The following UVRAG variants were observed in gnomAD, a reference collection of about 807,000 sequenced individuals.
UVRAG encodes UV radiation resistance associated.
Under a neutral mutation model 78.0 loss-of-function variants are expected in UVRAG, and 19 were observed. That is an observed-to-expected ratio of 0.24 (90% CI 0.17 to 0.36). The LOEUF is 0.36. Ranked by LOEUF, UVRAG falls within the 10% of genes least tolerant of loss-of-function variation. The probability of loss-of-function intolerance (pLI) is 1.00; values close to 1 mark genes in which losing one functional copy is unlikely to be tolerated. For synonymous variants in UVRAG, 323 were observed against 324.6 expected (o/e 1.00, Z 0.05); for missense variants, 740 against 853.8 (o/e 0.87, Z 1.66).
intron 8 of UVRAG, among the ~76,000 whole-genome samples, chr11:75,987,864 A>C (rs1019023747): frequency 6.6e-6 from 1 of 151,900 alleles, no homozygotes; most frequent in Non-Finnish European, 1.5e-5. Flanking sequence ...CAGCCTCCCA[A>C]GTAGCTGGGA....
intron 8 of UVRAG, among the ~76,000 whole-genome samples, chr11:75,994,970 C>A (rs1949676614): frequency 1.3e-5 from 2 of 152,142 alleles, no homozygotes; most frequent in Admixed American, 1.3e-4. Flanking sequence ...ACTTTTTGAG[C>A]TTATTTCCTC....
At chr11:76,116,088 C>A in intron 14 of UVRAG, 73 bp downstream of exon 14, 1 of 1,367,330 alleles carries the variant, frequency 7.3e-7, no homozygotes, top group Non-Finnish European at 1.0e-6. Flanking sequence ...CTGACTTCCA[C>A]ATTGCTCCAC....
At chr11:76,067,764 A>C (rs1951220291) in intron 13 of UVRAG, among the ~76,000 whole-genome samples, 1 of 152,042 alleles carries the variant, frequency 6.6e-6, no homozygotes, top group Non-Finnish European at 1.5e-5. Context: ...GTCTCAAAAA[A>C]AAAAAAGTGC....
At chr11:76,054,739 C>T (rs1950944249) in intron 12 of UVRAG, among the ~76,000 whole-genome samples, 1 of 152,078 alleles carries the variant, frequency 6.6e-6, no homozygotes, top group African/African-American at 2.4e-5. Context: ...AGTGAACCTC[C>T]TCTTATTTGT....
intron 7 of UVRAG, among the ~76,000 whole-genome samples, chr11:75,963,226 A>G (rs903732422): frequency 1.3e-5 from 2 of 151,794 alleles, no homozygotes; most frequent in African/African-American, 4.8e-5. Flanking sequence ...CTTTTTTTAC[A>G]TTGGTGTATT....
intron 13 of UVRAG, among the ~76,000 whole-genome samples, chr11:76,094,606 G>A (rs974680847): frequency 2.6e-5 from 4 of 152,084 alleles, no homozygotes; most frequent in Non-Finnish European, 5.9e-5. Context: ...ATGTGTCCGG[G>A]AATTTATCCA....
chr11:75,955,123 A>G (rs1175186420), intron 6 of UVRAG, among the ~76,000 whole-genome samples: 2 of 152,212 alleles, frequency 1.3e-5, no homozygotes, highest in Non-Finnish European at 2.9e-5. Flanking sequence ...TCTACATCAC[A>G]AAGGGCCTTA....
chr11:75,944,589 G>A (rs887831673), intron 6 of UVRAG, among the ~76,000 whole-genome samples: 1 of 152,128 alleles, frequency 6.6e-6, no homozygotes, highest in Non-Finnish European at 1.5e-5. Flanking sequence ...AATATGCTGG[G>A]TATACAGTGG....
intron 12 of UVRAG, among the ~76,000 whole-genome samples, chr11:76,041,827 C>A (rs1033462216): frequency 1.3e-5 from 2 of 152,184 alleles, no homozygotes; most frequent in African/African-American, 4.8e-5. Flanking sequence ...TAATAGTAAT[C>A]ACTCAGAAAA....
chr11:76,015,058 T>C (rs1481951089), intron 11 of UVRAG, among the ~76,000 whole-genome samples: 1 of 152,226 alleles, frequency 6.6e-6, no homozygotes, highest in Non-Finnish European at 1.5e-5. Flanking sequence ...CAGACATTCC[T>C]TGAGAAGCCC....
chr11:75,920,513 G>A (rs899642645), intron 6 of UVRAG, among the ~76,000 whole-genome samples: 2 of 151,922 alleles, frequency 1.3e-5, no homozygotes, highest in African/African-American at 2.4e-5. Flanking sequence ...AGCAAAATAC[G>A]GGAGTAATTA....
intron 3 of UVRAG, among the ~76,000 whole-genome samples, chr11:75,868,629 A>G (rs879891013): frequency 1.3e-5 from 2 of 152,210 alleles, no homozygotes; most frequent in African/African-American, 2.4e-5. Flanking sequence ...CCTCCATATC[A>G]TCTCTTCTTG....
intron 13 of UVRAG, among the ~76,000 whole-genome samples, chr11:76,096,563 G>C (rs1400575446): frequency 3.3e-5 from 5 of 152,200 alleles, no homozygotes; most frequent in African/African-American, 9.7e-5. Context: ...AAGTGTCTAA[G>C]TCACTGAAGG....
At chr11:75,870,882 T>G (rs1946632714) in intron 3 of UVRAG, among the ~76,000 whole-genome samples, 1 of 152,190 alleles carries the variant, frequency 6.6e-6, no homozygotes. Flanking sequence ...TTTATTTTTT[T>G]TTTTGATACG....
intron 6 of UVRAG, among the ~76,000 whole-genome samples, chr11:75,937,671 T>C (rs1291381319): frequency 6.6e-6 from 1 of 152,230 alleles, no homozygotes; most frequent in East Asian, 1.9e-4. Context: ...GGCTGCTTTG[T>C]CACTGTTGCA....
At chr11:76,114,388 C>T (rs931155116) in intron 13 of UVRAG, among the ~76,000 whole-genome samples, 5 of 152,120 alleles carry the variant, frequency 3.3e-5, no homozygotes, top group African/African-American at 1.2e-4. Context: ...TACCAGTTTT[C>T]GTCTCAGACT....
Position 75,831,260 on chromosome 11 carries a change from G to A in UVRAG, c.117+15736G>A, listed in dbSNP as rs547514131. On this transcript the variant is annotated intron_variant, in intron 1 of 14. Coordinates refer to ENST00000356136, the MANE Select transcript of UVRAG (RefSeq NM_003369.4). ...TCCCAGCACTTTGGGAGGCTGAGGC[G>A]GGCAGATCACGAGGTCAAGAGAGTG... 5.9e-5 allele frequency among the ~76,000 whole-genome samples: 9 copies of A among 152,102 alleles called. No individual in the cohort carries two copies. The South Asian group carries it at 1.5e-3, about 25-fold the overall frequency.
intron 14 of UVRAG, among the ~76,000 whole-genome samples, chr11:76,137,038 T>G (rs1952608857): frequency 6.6e-6 from 1 of 152,196 alleles, no homozygotes; most frequent in Non-Finnish European, 1.5e-5. Context: ...AAATCTGGAA[T>G]GTAGCTGGGA....
chr11:76,132,360 G>A (rs986849777), intron 14 of UVRAG, among the ~76,000 whole-genome samples: 3 of 151,712 alleles, frequency 2.0e-5, no homozygotes, highest in Non-Finnish European at 2.9e-5. Context: ...GATTTTGGCC[G>A]GGAGCCAGAC....
Sources: gnomAD v4.1 joint callset for allele counts (sites outside exome capture counted in the v4.1 genomes callset) on GRCh38, gnomAD v4.1.1 for gene constraint, MANE v1.5 for transcripts, NCBI Gene and HGNC (gene_info 2026-07-23, HGNC 2026-07-21) for gene names.